Variants in LLGL2 observed in about 807,000 individuals in gnomAD.
The protein encoded by LLGL2 is LLGL scribble cell polarity complex component 2.
LLGL2 carries 81 observed loss-of-function variants against 123.2 expected under a neutral mutation model. The observed-to-expected ratio is 0.66, with a 90% CI of 0.55 to 0.79. The LOEUF (loss-of-function observed/expected upper bound fraction) is 0.79, where lower values mean the gene tolerates loss of function less well. LLGL2 is among the 30% of genes least tolerant of loss of function. The pLI, the probability that LLGL2 is intolerant of heterozygous loss-of-function variation, is 0.00. For synonymous variants in LLGL2, 577 were observed against 594.1 expected (o/e 0.97, Z 0.42); for missense variants, 1,273 against 1,414.6 (o/e 0.90, Z 1.61).
At position 75,571,991 on chromosome 17, in the gene LLGL2, C is replaced by A. The variant is rs749986955; in HGVS notation, c.2387C>A (p.Ala796Asp). 6.2e-7 allele frequency: 1 copy of A among 1,612,876 alleles called. No homozygotes were observed. Among genetic ancestry groups the A allele is most frequent in the Non-Finnish European group, 8.5e-7 (1 of 1,180,002 alleles). The part of the protein sequence containing the change: ...SVPLPEPLEV[A>D]HDLSKSPDMQ... Reference sequence around the variant, plus strand: ...CCCCTTCCCGAGCCCCTCGAAGTGGCCCATGATCTGTCGAAGAGCCCTGAC... The same window carrying A: ...CCCCTTCCCGAGCCCCTCGAAGTGGACCATGATCTGTCGAAGAGCCCTGAC... Residue 796 changes from alanine to aspartate, a missense_variant, in exon 19 of 26, where the codon GCC becomes GAC. Coordinates refer to ENST00000392550, the MANE Select transcript of LLGL2 (RefSeq NM_001031803.2).
In LLGL2 at chr17:75,570,941, C is replaced by T. The variant is rs763434855; in HGVS notation, c.2026-9C>T. On this transcript the variant is annotated splice_polypyrimidine_tract_variant and intron_variant, in intron 16 of 25. Coordinates refer to ENST00000392550, the MANE Select transcript of LLGL2 (RefSeq NM_001031803.2). ...AGAGCTGACCCTTAGGCTGGCCCACCCCTTGCAGGCACAGGAGGGGAGTGC... is the reference window on the plus strand; with the variant it reads ...AGAGCTGACCCTTAGGCTGGCCCACTCCTTGCAGGCACAGGAGGGGAGTGC... The T allele has an allele frequency of 1.8e-5, 29 of 1,602,798 alleles. 1 individual carries two copies. The South Asian group carries it at 3.1e-4, about 17-fold the overall frequency.
intron 1 of LLGL2, among the ~76,000 whole-genome samples, chr17:75,528,207 C>T (rs2053642368): frequency 6.6e-6 from 1 of 152,098 alleles, no homozygotes; most frequent in Non-Finnish European, 1.5e-5. Flanking sequence ...GCTCCTCCTC[C>T]TGGGTTCACG....
At chr17:75,563,219 C>G in intron 7 of LLGL2, 41 bp downstream of exon 7, 1 of 1,610,490 alleles carries the variant, frequency 6.2e-7, no homozygotes, top group South Asian at 1.1e-5. Context: ...ATGTTGCTCT[C>G]CCAGGGCCCC....
At chr17:75,568,264 T>C (rs949224324) in intron 10 of LLGL2, 2 of 1,427,248 alleles carry the variant, frequency 1.4e-6, no homozygotes, top group African/African-American at 2.9e-5. Context: ...AGGAGCCCTG[T>C]GCCAGGGAGC....
In LLGL2 at chr17:75,544,981, G is replaced by A. The variant is rs967861886; in HGVS notation, c.75+1480G>A. ...TTGCTCTGGAGGGAGTAGCCTATGG[G>A]TGCTGGGTCTCAAAGCTTCGGTGTC... On this transcript the variant is annotated intron_variant, in intron 2 of 25. Transcript: ENST00000392550. This position sits in a 1 kb window ranked among gnomAD's most constrained non-coding sequence, Gnocchi z 4.2. Among the ~76,000 whole-genome samples the A allele has an allele frequency of 3.3e-5, 5 of 152,106 alleles. No individual in the cohort carries two copies. Among genetic ancestry groups the A allele is most frequent in the African/African-American group, 1.2e-4 (5 of 41,400 alleles).
Position 75,568,545 on chromosome 17 carries a change from C to A in LLGL2, c.1106C>A (p.Ala369Glu). 6.2e-7 allele frequency: 1 copy of A among 1,613,658 alleles called. No homozygotes were observed. Residue 369 changes from alanine (A) to glutamate (E), a missense_variant, in exon 11 of 26, where the codon GCA becomes GAA. Physicochemically the swap from Ala to Glu is moderately radical, Grantham distance 107. Coordinates refer to ENST00000392550, the MANE Select transcript of LLGL2 (RefSeq NM_001031803.2). ...EELVVIDLQT[A>E]GWPPVQLPYL... ...CTGGTGGTGATTGACCTGCAGACAGCAGGCTGGCCACCGGTCCAGCTGCCC... is the reference window on the plus strand; with the variant it reads ...CTGGTGGTGATTGACCTGCAGACAGAAGGCTGGCCACCGGTCCAGCTGCCC...
intron 3 of LLGL2, 182 bp from the exon 4 acceptor site, chr17:75,557,973 C>T (rs768484488): frequency 4.2e-6 from 3 of 719,002 alleles, no homozygotes; most frequent in East Asian, 2.6e-5. Flanking sequence ...GCCTGGTGCC[C>T]CAGGGCCAGG....
At chr17:75,573,849 T>C (rs1156838832) in intron 21 of LLGL2, 103 bp from the exon 22 acceptor site, 11 of 1,413,708 alleles carry the variant, frequency 7.8e-6, no homozygotes, top group Non-Finnish European at 1.1e-5. Flanking sequence ...GCTCTCCGGC[T>C]CAGGACAGGC....
intron 2 of LLGL2, among the ~76,000 whole-genome samples, chr17:75,551,082 G>A (rs1353706144): frequency 6.6e-6 from 1 of 152,170 alleles, no homozygotes; most frequent in Non-Finnish European, 1.5e-5. Flanking sequence ...AATCCCCTGG[G>A]AGACAGGTCA....
intron 2 of LLGL2, among the ~76,000 whole-genome samples, chr17:75,547,757 G>A (rs192392119): frequency 6.0e-4 from 91 of 152,100 alleles, no homozygotes; most frequent in Non-Finnish European, 9.9e-4. Flanking sequence ...CCCTGGAGGC[G>A]GAGATTGCAG....
At position 75,559,999 on chromosome 17, in the gene LLGL2, T is replaced by C. The variant is rs1568054690; in HGVS notation, c.530+589T>C. Among the ~76,000 whole-genome samples the C allele has an allele frequency of 6.6e-6, 1 of 152,094 alleles. No individual in the cohort carries two copies. The highest frequency in any genetic ancestry group is 1.5e-5 in the Non-Finnish European group (1 of 67,996). On this transcript the variant is annotated intron_variant, in intron 6 of 25. Coordinates refer to ENST00000392550, the MANE Select transcript of LLGL2 (RefSeq NM_001031803.2). This position sits in a 1 kb window ranked among gnomAD's most constrained non-coding sequence, Gnocchi z 4.6. ...GGAGATAGCATCTGACAAGATCATG[T>C]TGGGGCCGGGTCGGTCATGGTGGAA...
Position 75,564,728 on chromosome 17 carries a change from G to A in LLGL2, c.1036+221G>A, listed in dbSNP as rs1360240098. On this transcript the variant is annotated intron_variant, in intron 10 of 25. Coordinates refer to ENST00000392550, the MANE Select transcript of LLGL2 (RefSeq NM_001031803.2). This position sits in a 1 kb window ranked among gnomAD's most constrained non-coding sequence, Gnocchi z 4.9. The stretch of plus-strand genomic sequence containing the variant: ...AAAATAAAAAAATTAGCCAGGTGTT[G>A]TGGCACGTACCTGTAGTCCTAGCTA... The A allele has an allele frequency of 4.6e-6, 3 of 645,696 alleles. No homozygotes were observed. The highest frequency in any genetic ancestry group is 3.3e-5 in the Admixed American group (1 of 30,554). 40.0% of individuals were successfully genotyped at this position (645,696 alleles called of 1,614,324 possible).
intron 22 of LLGL2, 47 bp from the exon 23 acceptor site, chr17:75,574,166 C>T (rs1039635007): frequency 5.3e-6 from 8 of 1,518,536 alleles, no homozygotes; most frequent in East Asian, 2.5e-5. Flanking sequence ...AGAGCCAGGC[C>T]GAGGAGGGCC....
intron 6 of LLGL2, chr17:75,562,523 G>A (rs964893048): frequency 5.5e-6 from 1 of 181,092 alleles, no homozygotes. Flanking sequence ...TCTCTGTCTT[G>A]TTCTACATGC....
At position 75,570,095 on chromosome 17, in the gene LLGL2, C is replaced by T. The variant is rs750514591; in HGVS notation, c.1714C>T (p.Arg572Cys). ...ERLAARSGPV[R>C]FEPGFQPFVL... ...CCTGGCAGCCCGCTCAGGGCCCGTG[C>T]GCTTTGAGCCTGGCTTTCAGCCCTT... The change falls in exon 15 of 26, where the codon CGC becomes TGC. Residue 572 changes from arginine to cysteine, a missense_variant. Coordinates refer to ENST00000392550, the MANE Select transcript of LLGL2 (RefSeq NM_001031803.2). The T allele has an allele frequency of 2.5e-5, 41 of 1,609,426 alleles. No homozygotes were observed. The South Asian group carries it at 3.4e-4, about 13-fold the overall frequency.
rs529885840 is a variant in LLGL2, at chr17:75,566,104, A to G, written c.1036+1597A>G. 6.4e-4 allele frequency among the ~76,000 whole-genome samples: 98 copies of G among 152,360 alleles called. 1 individual carries two copies. Among genetic ancestry groups the G allele is most frequent in the African/African-American group, 2.3e-3 (95 of 41,596 alleles). ...CAGTCTGATGGAAGGCTTGCCCTGT[A>G]GGGACCTGGGGTGCAGACTGAGCTG... is the stretch of plus-strand genomic sequence containing the variant. On this transcript the variant is annotated intron_variant, in intron 10 of 25. Coordinates refer to ENST00000392550, the MANE Select transcript of LLGL2 (RefSeq NM_001031803.2).
At chr17:75,557,619 G>A (rs1422182298) in intron 3 of LLGL2, among the ~76,000 whole-genome samples, 3 of 152,186 alleles carry the variant, frequency 2.0e-5, no homozygotes, top group Non-Finnish European at 4.4e-5. Flanking sequence ...CGGTGTGGGG[G>A]AGGGGTATGG....
At chr17:75,571,134 GTA>G in intron 17 of LLGL2, 34 bp downstream of exon 17, 2 of 1,262,614 alleles carry the variant, frequency 1.6e-6, no homozygotes, top group Non-Finnish European at 2.3e-6. Flanking sequence ...GGGGCAGGGG[GTA>G]GTGGGCAGCA....
chr17:75,559,802 G>A lies in LLGL2; in HGVS notation c.530+392G>A, dbSNP rs558820385. ...TGCCACCCTTTGCGGTGGGTACTTT[G>A]CTGAGGTTCCATTTGCTCGCAAGCT... On this transcript the variant is annotated intron_variant, in intron 6 of 25. Coordinates refer to ENST00000392550, the MANE Select transcript of LLGL2 (RefSeq NM_001031803.2). The surrounding 1 kb of genome is among the most constrained non-coding windows in gnomAD (Gnocchi z 4.6). Among the ~76,000 whole-genome samples the A allele has an allele frequency of 6.4e-4, 98 of 152,264 alleles. 2 individuals carry two copies. In the South Asian group the frequency reaches 0.015, roughly 24 times the overall value.
Sources: gnomAD v4.1 joint callset for allele counts (sites outside exome capture counted in the v4.1 genomes callset) on GRCh38, gnomAD v4.1.1 for gene constraint, Gnocchi (gnomAD v3.1) non-coding constraint, MANE v1.5 for transcripts, NCBI Gene and HGNC (gene_info 2026-07-23, HGNC 2026-07-21) for gene names.